Variants in PRKG1 observed in about 807,000 individuals in gnomAD.
PRKG1 encodes cGMP-dependent protein kinase 1.
PRKG1 carries 35 observed loss-of-function variants against 88.1 expected under a neutral mutation model. The ratio of observed to expected loss-of-function variants is 0.40; its 90% confidence interval spans 0.30 to 0.53. The LOEUF is 0.53. Ranked by LOEUF, PRKG1 falls within the 20% of genes least tolerant of loss-of-function variation. The probability of loss-of-function intolerance (pLI) is 0.59; values close to 1 mark genes in which losing one functional copy is unlikely to be tolerated. For missense variants in PRKG1, 540 were observed against 839.8 expected, an observed-to-expected ratio of 0.64 and a Z score of 4.41; for synonymous variants, 303 against 292.5, an observed-to-expected ratio of 1.04 and a Z score of -0.37.
At chr10:51,474,525 T>C (rs568632925) in intron 3 of PRKG1, among the ~76,000 whole-genome samples, 1 of 152,102 alleles carries the variant, frequency 6.6e-6, no homozygotes. Context: ...AATCAGAACC[T>C]ATTGCAGGAT....
intron 2 of PRKG1, among the ~76,000 whole-genome samples, chr10:51,453,858 A>G (rs1306248942): frequency 6.6e-6 from 1 of 152,066 alleles, no homozygotes; most frequent in Non-Finnish European, 1.5e-5. Context: ...CTAAAGACTC[A>G]TCCAAAAAGC....
At chr10:51,160,642 T>C (rs1193537891) in intron 2 of PRKG1, among the ~76,000 whole-genome samples, 1 of 152,198 alleles carries the variant, frequency 6.6e-6, no homozygotes, top group Non-Finnish European at 1.5e-5. Flanking sequence ...TGGGAAATGG[T>C]ACCTCGTGAT....
chr10:51,598,799 T>C (rs1308125812), intron 3 of PRKG1, among the ~76,000 whole-genome samples: 2 of 152,274 alleles, frequency 1.3e-5, no homozygotes, highest in East Asian at 3.9e-4. Flanking sequence ...GATATTGAGA[T>C]GGTATAGTTT....
intron 2 of PRKG1, among the ~76,000 whole-genome samples, chr10:51,318,142 G>A (rs188302271): frequency 6.6e-6 from 1 of 152,284 alleles, no homozygotes; most frequent in Admixed American, 6.5e-5. Context: ...TTACTTATGT[G>A]TCCTCAGCCT....
chr10:51,258,117 G>A (rs567990376), intron 2 of PRKG1, among the ~76,000 whole-genome samples: 3 of 152,054 alleles, frequency 2.0e-5, no homozygotes, highest in East Asian at 1.9e-4. Context: ...GGAGCTAATC[G>A]GGTCCATTTC....
At position 51,476,843 on chromosome 10, in the gene PRKG1, A is replaced by G. The variant is rs61466659; in HGVS notation, c.592+9007A>G. On this transcript the variant is annotated intron_variant, in intron 3 of 17. Transcript: ENST00000373980. Reference sequence around the variant, plus strand: ...AAAATAGTTTGAAGACCACTTTTCTAGTTGAATCCAGGGTTACTCTGAGTA... The same window carrying G: ...AAAATAGTTTGAAGACCACTTTTCTGGTTGAATCCAGGGTTACTCTGAGTA... 9.1e-3 allele frequency among the ~76,000 whole-genome samples: 1,378 copies of G among 152,074 alleles called. 15 individuals are homozygous for G. The highest frequency in any genetic ancestry group is 0.026 in the African/African-American group (1,089 of 41,522).
intron 3 of PRKG1, among the ~76,000 whole-genome samples, chr10:51,564,212 G>GCAAAA (rs144706488): frequency 6.7e-6 from 1 of 149,140 alleles, no homozygotes; most frequent in Non-Finnish European, 1.5e-5. Context: ...AAATAAACAG[G>GCAAAA]CAAAACAAAA....
chr10:51,021,145 C>G (rs1026284625), intron 1 of PRKG1, among the ~76,000 whole-genome samples: 9 of 152,014 alleles, frequency 5.9e-5, no homozygotes, highest in African/African-American at 2.2e-4. Context: ...CCAGAGTTAT[C>G]AAATATGGTA....
chr10:51,893,278 T>C (rs1841766594), intron 4 of PRKG1, among the ~76,000 whole-genome samples: 1 of 152,036 alleles, frequency 6.6e-6, no homozygotes, highest in Non-Finnish European at 1.5e-5. Context: ...TGAATTCGTC[T>C]CAAGTAAATA....
chr10:51,332,416 AT>A (rs71459412), intron 2 of PRKG1, among the ~76,000 whole-genome samples: 11,167 of 152,260 alleles, frequency 0.073, 486 homozygotes, highest in Middle Eastern at 0.12. Flanking sequence ...ACCTAAAAAA[AT>A]CACACTGAGG....
intron 9 of PRKG1, among the ~76,000 whole-genome samples, chr10:52,183,038 T>C (rs562876111): frequency 4.6e-5 from 7 of 152,232 alleles, no homozygotes; most frequent in African/African-American, 1.7e-4. Flanking sequence ...CAGGTTCTTT[T>C]AAACAATCAG....
chr10:51,425,946 A>C (rs925666352), intron 2 of PRKG1, among the ~76,000 whole-genome samples: 2 of 152,194 alleles, frequency 1.3e-5, no homozygotes, highest in Admixed American at 1.3e-4. Flanking sequence ...TTTAAAATAT[A>C]ATGGAGAAGG....
intron 5 of PRKG1, among the ~76,000 whole-genome samples, chr10:51,923,419 CAT>C (rs1842504064): frequency 6.6e-6 from 1 of 150,928 alleles, no homozygotes; most frequent in South Asian, 2.1e-4. Context: ...TAATATCTAT[CAT>C]ATTAATATTA....
intron 5 of PRKG1, among the ~76,000 whole-genome samples, chr10:51,982,174 T>G (rs11000371): frequency 0.013 from 1,950 of 152,360 alleles, 27 homozygotes; most frequent in African/African-American, 0.043. Flanking sequence ...TTGATTACAT[T>G]CTTTTCTATA....
At chr10:51,180,422 A>G (rs1020220001) in intron 2 of PRKG1, among the ~76,000 whole-genome samples, 3 of 152,190 alleles carry the variant, frequency 2.0e-5, no homozygotes, top group African/African-American at 4.8e-5. Context: ...ATACTTTCCC[A>G]TATACCAGCA....
rs375256937 is a variant in PRKG1 at position 52,234,069 on chromosome 10, A to G, written c.1077-17501A>G. Among the ~76,000 whole-genome samples, 67 of 152,066 alleles carry G rather than the reference A, an allele frequency of 4.4e-4. No individual in the cohort carries two copies. In the South Asian group the frequency reaches 4.6e-3, roughly 10 times the overall value. On this transcript the variant is annotated intron_variant, in intron 9 of 17. Coordinates refer to ENST00000373980, the MANE Select transcript of PRKG1 (RefSeq NM_006258.4). ...GCAGAGGCACACTGACACCTCACAC[A>G]GCAGGGTATTCCAACAGACCTGCAG...
chr10:51,311,173 A>G (rs1167015584), intron 2 of PRKG1, among the ~76,000 whole-genome samples: 1 of 152,318 alleles, frequency 6.6e-6, no homozygotes, highest in Non-Finnish European at 1.5e-5. Context: ...CTTGAACACT[A>G]AAAAGATCCT....
At position 52,155,732 on chromosome 10, in the gene PRKG1, G is replaced by GCCACACACACACACACAC. The variant is rs3220860; in HGVS notation, c.1002-6157_1002-6156insCCACACACACACACACAC. ...TCAATTTGTTAACCTATTGCCATTGGACACACACACACACACACACACACG... is the reference window on the plus strand; with the variant it reads ...TCAATTTGTTAACCTATTGCCATTGGCCACACACACACACACACACACACACACACACACACACACACG... On this transcript the variant is annotated intron_variant, in intron 8 of 17. Transcript: ENST00000373980. 1.3e-4 allele frequency among the ~76,000 whole-genome samples: 19 copies of GCCACACACACACACACAC among 147,894 alleles called. No individual in the cohort carries two copies. In the South Asian group the frequency reaches 1.3e-3, roughly 10 times the overall value.
chr10:51,926,879 G>GTTC (rs1842591434), intron 5 of PRKG1, among the ~76,000 whole-genome samples: 1 of 150,316 alleles, frequency 6.7e-6, no homozygotes, highest in Non-Finnish European at 1.5e-5. Context: ...ACGATATGTA[G>GTTC]TTCTACCTGG....
Sources: allele counts gnomAD v4.1 joint callset (sites outside exome capture counted in the v4.1 genomes callset), GRCh38; gene constraint gnomAD v4.1.1; transcripts MANE v1.5; gene names NCBI Gene and HGNC (gene_info 2026-07-23, HGNC 2026-07-21).